The following TNRC18 variants were observed in gnomAD, a reference collection of about 807,000 sequenced individuals.
TNRC18 encodes the protein trinucleotide repeat containing 18.
A neutral mutation model predicts 226.7 loss-of-function variants in TNRC18; 69 were observed. The observed-to-expected ratio is 0.30, with a 90% CI of 0.25 to 0.37. The LOEUF (loss-of-function observed/expected upper bound fraction) is 0.37. Among genes scored for constraint, TNRC18 ranks in the 10% least tolerant of loss-of-function variants. TNRC18 has a pLI of 1.00. For missense variants in TNRC18, 4,754 were observed against 4,256.6 expected (o/e 1.12, Z -3.25); for synonymous variants, 2,449 against 1,927.6 (o/e 1.27, Z -7.09).
At position 5,313,090 on chromosome 7, in the gene TNRC18, T is replaced by C. The variant is rs1289691844; in HGVS notation, c.7801A>G (p.Asn2601Asp). 5 of 1,325,872 alleles carry C rather than the reference T, an allele frequency of 3.8e-6. No homozygotes were observed. The highest frequency in any genetic ancestry group is 2.5e-5 in the South Asian group (2 of 79,950). The allele number at this position is 1,325,872 out of a possible 1,614,324, so 82.1% of individuals were successfully genotyped here. Residue 2601 changes from asparagine to aspartate, a missense_variant, in exon 27 of 30, where the codon AAC (asparagine) becomes GAC (aspartate). Physicochemically the swap from Asn to Asp is conservative, Grantham distance 23 (BLOSUM62 1). Coordinates refer to ENST00000430969, the MANE Select transcript of TNRC18 (RefSeq NM_001080495.3). Reference sequence around the variant, plus strand: ...GCCCTGGAGCTGGCAGCGCTGCAGTTACGGCCCCCGGTGCCGCAGCCCCCG... The same window carrying C: ...GCCCTGGAGCTGGCAGCGCTGCAGTCACGGCCCCCGGTGCCGCAGCCCCCG... The part of the protein sequence containing the change: ...GDGGCGTGGR[N>D]CSAASSRAAS...
At chr7:5,311,134 G>T (rs1787155100) in intron 27 of TNRC18, among the ~76,000 whole-genome samples, 1 of 152,362 alleles carries the variant, frequency 6.6e-6, no homozygotes, top group Admixed American at 6.5e-5. Context: ...ATCTGCATGT[G>T]TGTATACTTG....
chr7:5,366,091 G>C (rs1793587695), intron 11 of TNRC18, among the ~76,000 whole-genome samples: 1 of 151,998 alleles, frequency 6.6e-6, no homozygotes, highest in South Asian at 2.1e-4. Flanking sequence ...TGCTGAGGGG[G>C]AGCTTCTCTT....
At chr7:5,413,707 C>T (rs566495884) in intron 2 of TNRC18, among the ~76,000 whole-genome samples, 2 of 152,120 alleles carry the variant, frequency 1.3e-5, no homozygotes, top group South Asian at 2.1e-4. Context: ...GTTTTTTAAA[C>T]ATTTTGTAAA....
rs146112129 is a variant in TNRC18, at chr7:5,318,110, G to A, written c.6746-2038C>T. ...TGGTCTCAAACTCCTGACCTCAGGT[G>A]ATCTGCCCACCTTGGCCTCCCAAAG... On this transcript the variant is annotated intron_variant, in intron 24 of 29. Transcript: ENST00000430969. 1.8e-3 allele frequency among the ~76,000 whole-genome samples: 281 copies of A among 152,258 alleles called. 6 individuals are homozygous for A. The East Asian group carries it at 0.047, about 25-fold the overall frequency.
chr7:5,308,232 C>T lies in TNRC18; in HGVS notation c.8781G>A (p.Glu2927=). Residue 2927 remains glutamate (E), a synonymous_variant, in exon 30 of 30, where the codon GAG becomes GAA. Coordinates refer to ENST00000430969, the MANE Select transcript of TNRC18 (RefSeq NM_001080495.3). ...TGGTCTTCAGCATCTGCTCATACTG[C>T]TCCAGGCCCACCACCAGGCACTTGT... ...VSHKCLVVGL[E]QYEQMLKTKK... is the part of the protein sequence containing the mutation. The T allele has an allele frequency of 6.2e-7, 1 of 1,612,648 alleles. No homozygotes were observed. Among genetic ancestry groups the T allele is most frequent in the South Asian group, 1.1e-5 (1 of 90,830 alleles).
chr7:5,314,408 C>A (rs1393238542), intron 26 of TNRC18, among the ~76,000 whole-genome samples: 1 of 152,098 alleles, frequency 6.6e-6, no homozygotes, highest in South Asian at 2.1e-4. Context: ...CTGCTTTCAG[C>A]CTGCACGAAG....
Sources: allele counts gnomAD v4.1 joint callset (sites outside exome capture counted in the v4.1 genomes callset), GRCh38; gene constraint gnomAD v4.1.1; transcripts MANE v1.5; gene names NCBI Gene and HGNC (gene_info 2026-07-23, HGNC 2026-07-21).